The following LMO1 variants were observed in gnomAD, a reference collection of about 807,000 sequenced individuals.
The protein encoded by LMO1 is LIM domain only 1.
Under a neutral mutation model 18.0 loss-of-function variants are expected in LMO1, and 10 were observed. That is an observed-to-expected ratio of 0.55 (90% CI 0.34 to 0.94). The LOEUF is 0.94. Among genes scored for constraint, LMO1 ranks in the 40% least tolerant of loss-of-function variants. LMO1 has a pLI of 0.02. For missense variants in LMO1, 183 were observed against 205.7 expected (o/e 0.89, Z 0.68); for synonymous variants, 77 against 77.9 (o/e 0.99, Z 0.06).
upstream of LMO1, among the ~76,000 whole-genome samples, chr11:8,265,878 C>T (rs1847255849): frequency 1.3e-5 from 2 of 152,218 alleles, no homozygotes; most frequent in Non-Finnish European, 1.5e-5. Context: ...GGCAGATTCT[C>T]CTCACTTTCA....
At chr11:8,225,603 C>T (rs1952524875) in intron 3 of LMO1, among the ~76,000 whole-genome samples, 1 of 152,052 alleles carries the variant, frequency 6.6e-6, no homozygotes, top group Non-Finnish European at 1.5e-5. Flanking sequence ...ATCTCCTCTC[C>T]TACCGAAGGA....
intron 1 of LMO1, among the ~76,000 whole-genome samples, chr11:8,260,093 C>A (rs74519778): frequency 0.065 from 9,916 of 152,176 alleles, 368 homozygotes; most frequent in Middle Eastern, 0.095. Flanking sequence ...ATGCCCCAGC[C>A]TCCTCTCCTG....
At chr11:8,246,099 C>A (rs917851296) in intron 1 of LMO1, among the ~76,000 whole-genome samples, 1 of 152,102 alleles carries the variant, frequency 6.6e-6, no homozygotes, top group Non-Finnish European at 1.5e-5. Flanking sequence ...TCCCACCTGT[C>A]CCCACCTGCA....
chr11:8,233,362 C>G (rs1952703777), intron 1 of LMO1, among the ~76,000 whole-genome samples: 1 of 152,210 alleles, frequency 6.6e-6, no homozygotes, highest in Non-Finnish European at 1.5e-5. Context: ...GTCTGCAGTC[C>G]TGTGGCTATG....
chr11:8,239,065 G>C (rs116266489), intron 1 of LMO1, among the ~76,000 whole-genome samples: 1 of 152,168 alleles, frequency 6.6e-6, no homozygotes, highest in Non-Finnish European at 1.5e-5. Context: ...TGAGAAGACG[G>C]TGGCCTGGGA....
chr11:8,237,659 G>A (rs1395136319), intron 1 of LMO1, among the ~76,000 whole-genome samples: 1 of 152,250 alleles, frequency 6.6e-6, no homozygotes, highest in Non-Finnish European at 1.5e-5. Context: ...AGAGAGGCAG[G>A]GGCTCCTATG....
In LMO1 at chr11:8,263,606, T is replaced by TAG; in HGVS notation, c.-246_-245dup. 1 of 1,360,594 alleles carries TAG rather than the reference T, an allele frequency of 7.3e-7. No homozygotes were observed. 84.3% of individuals were successfully genotyped at this position (1,360,594 alleles called of 1,614,324 possible). ...TTGGAAGGAACTACGAACTGCAATT[T>TAG]AGAGAGAGAGGGAGAGGGAGAGAGA... On this transcript the variant is annotated 5_prime_UTR_variant, in exon 1 of 4. Transcript: ENST00000335790.
chr11:8,244,169 C>T (rs982142862), intron 1 of LMO1, among the ~76,000 whole-genome samples: 20 of 150,000 alleles, frequency 1.3e-4, no homozygotes, highest in African/African-American at 3.0e-4. Context: ...TAAGGAGCAC[C>T]GGGAAAGGAG....
Position 8,224,711 on chromosome 11 carries a change from C to T in LMO1, c.376G>A (p.Gly126Arg). The T allele has an allele frequency of 6.2e-7, 1 of 1,601,058 alleles. No homozygotes were observed. The highest frequency in any genetic ancestry group is 8.5e-7 in the Non-Finnish European group (1 of 1,172,838). ...TTGTTCTTCAGGAAGAATTTGTCTC[C>T]CACACAAAATCTAGAAAATCCAAGC... The part of the protein sequence containing the change: ...CQLCNQRFCV[G>R]DKFFLKNNMI... The change falls in exon 4 of 4, where the codon GGA (glycine) becomes AGA (arginine). Residue 126 changes from glycine (G) to arginine (R), a missense_variant. Physicochemically the swap from Gly to Arg is moderately radical, Grantham distance 125. Coordinates refer to ENST00000335790, the MANE Select transcript of LMO1 (RefSeq NM_002315.3).
At chr11:8,263,099 GGGGGGCGTGCGGCCCC>G (rs947019651) in intron 1 of LMO1, among the ~76,000 whole-genome samples, 5 of 151,480 alleles carry the variant, frequency 3.3e-5, no homozygotes, top group Non-Finnish European at 1.5e-5. Context: ...GCCGGGACCC[GGGGGGCGTGCGGCCCC>G]GGGCGCGTGC....
chr11:8,254,628 G>T (rs975387871), intron 1 of LMO1, among the ~76,000 whole-genome samples: 5 of 63,750 alleles, frequency 7.8e-5, no homozygotes, highest in African/African-American at 1.5e-4. Flanking sequence ...TCCCCACCGA[G>T]GCTGGCCCTG....
chr11:8,226,726 CATT>C, intron 3 of LMO1: 1 of 557,154 alleles, frequency 1.8e-6, no homozygotes, highest in Non-Finnish European at 2.9e-6. Flanking sequence ...TGCACGCCTT[CATT>C]ATATTCACAC....
intron 1 of LMO1, among the ~76,000 whole-genome samples, chr11:8,231,502 T>C (rs110420): frequency 0.43 from 65,331 of 152,162 alleles, 15,565 homozygotes; most frequent in South Asian, 0.69. Context: ...TGGACATCCA[T>C]GTGGACCCGT....
At chr11:8,260,927 G>A (rs1347723974) in intron 1 of LMO1, among the ~76,000 whole-genome samples, 1 of 152,180 alleles carries the variant, frequency 6.6e-6, no homozygotes, top group Non-Finnish European at 1.5e-5. Context: ...ATAGCCACCT[G>A]CTGAGAGGGC....
At chr11:8,251,519 T>C (rs1172058237) in intron 1 of LMO1, among the ~76,000 whole-genome samples, 1 of 152,182 alleles carries the variant, frequency 6.6e-6, no homozygotes, top group East Asian at 1.9e-4. Context: ...TCACCTCCTC[T>C]GCGGGTATCA....
In LMO1 at chr11:8,227,119, A is replaced by G. The variant is rs1201556007; in HGVS notation, c.240-19T>C. ...AAAGAGCCTGCCGAGGGAAGGGCGC[A>G]GAGGACTCAGCAGCATTCTGGGAAG... is the stretch of plus-strand genomic sequence containing the variant. On this transcript the variant is annotated intron_variant, in intron 2 of 3. Coordinates refer to ENST00000335790, the MANE Select transcript of LMO1 (RefSeq NM_002315.3). The G allele has an allele frequency of 1.2e-6, 2 of 1,606,702 alleles. No homozygotes were observed. Among genetic ancestry groups the G allele is most frequent in the African/African-American group, 1.3e-5 (1 of 74,870 alleles).
At chr11:8,268,371 C>T (rs1847282293), upstream of LMO1, 2 of 1,441,452 alleles carry the variant, frequency 1.4e-6, no homozygotes, top group Non-Finnish European at 1.8e-6. Flanking sequence ...GCGCCGCAGT[C>T]TCCGCCCCAC....
At chr11:8,268,195 C>T (rs567985608), upstream of LMO1, among the ~76,000 whole-genome samples, 743 of 152,324 alleles carry the variant, frequency 4.9e-3, 3 homozygotes, top group Non-Finnish European at 8.2e-3. Flanking sequence ...GGGAGACTTC[C>T]TAATCCCGCC....
Position 8,263,460 on chromosome 11 carries a change from G to C in LMO1, c.-98C>G. On this transcript the variant is annotated 5_prime_UTR_variant, in exon 1 of 4. Transcript: ENST00000335790. ...GGGGCGGCCGGTCTTCGGGCAGCTA[G>C]CGGGCTCTAATTACCCGCTTGTCCG... 6.4e-7 allele frequency: 1 copy of C among 1,553,330 alleles called. No homozygotes were observed. The highest frequency in any genetic ancestry group is 8.6e-7 in the Non-Finnish European group (1 of 1,157,970).
Sources: gnomAD v4.1 joint callset for allele counts (sites outside exome capture counted in the v4.1 genomes callset) on GRCh38, gnomAD v4.1.1 for gene constraint, MANE v1.5 for transcripts, NCBI Gene and HGNC (gene_info 2026-07-23, HGNC 2026-07-21) for gene names.